MTX2: variants seen among roughly 807,000 people sequenced by gnomAD.
MTX2 encodes metaxin-2.
MTX2 carries 35 observed loss-of-function variants against 42.3 expected under a neutral mutation model. The observed-to-expected ratio is 0.83, with a 90% CI of 0.63 to 1.10. The LOEUF (loss-of-function observed/expected upper bound fraction) is 1.10, where lower values mean the gene tolerates loss of function less well. MTX2 is among the 50% of genes least tolerant of loss of function. The pLI, the probability that MTX2 is intolerant of heterozygous loss-of-function variation, is 0.00. For missense variants in MTX2, 307 were observed against 304.1 expected, an observed-to-expected ratio of 1.01 and a Z score of -0.07; for synonymous variants, 119 against 100.9, an observed-to-expected ratio of 1.18 and a Z score of -1.08.
chr2:176,289,011 A>G (rs891643397), intron 1 of MTX2, among the ~76,000 whole-genome samples: 5 of 152,060 alleles, frequency 3.3e-5, no homozygotes, highest in Middle Eastern at 3.2e-3. Flanking sequence ...AGAATACTAC[A>G]AGTAATATAT....
intron 3 of MTX2, among the ~76,000 whole-genome samples, chr2:176,315,632 T>C (rs1045420421): frequency 3.3e-5 from 5 of 152,196 alleles, no homozygotes; most frequent in Admixed American, 6.5e-5. Context: ...CTTGTCTCAC[T>C]CAGTAGAAGC....
intron 9 of MTX2, among the ~76,000 whole-genome samples, chr2:176,336,572 T>G (rs565810267): frequency 1.3e-5 from 2 of 152,288 alleles, no homozygotes; most frequent in Non-Finnish European, 2.9e-5. Flanking sequence ...TCTTAGAGTA[T>G]TTTTCTTGTT....
chr2:176,286,788 A>G (rs1046468388), intron 1 of MTX2, among the ~76,000 whole-genome samples: 2 of 152,072 alleles, frequency 1.3e-5, no homozygotes, highest in Non-Finnish European at 2.9e-5. Context: ...ACCTCAGGTG[A>G]TCCACCCACC....
At chr2:176,298,607 C>T (rs565376895) in intron 3 of MTX2, among the ~76,000 whole-genome samples, 2 of 152,086 alleles carry the variant, frequency 1.3e-5, no homozygotes, top group Non-Finnish European at 2.9e-5. Context: ...TATTTAGCTG[C>T]CATTTACTTA....
rs146536152 is a variant in MTX2 at position 176,274,663 on chromosome 2, G to T, written c.40+4994G>T. On this transcript the variant is annotated intron_variant, in intron 1 of 9. Transcript: ENST00000249442. ...CATGCAAGGCGGGCAGTCAGGAGCC[G>T]GGGGAGATCCAGGACTAAGCACTGG... Among the ~76,000 whole-genome samples, 21 of 152,266 alleles carry T rather than the reference G, an allele frequency of 1.4e-4. No individual in the cohort carries two copies. In the East Asian group the frequency reaches 3.9e-3, roughly 28 times the overall value.
At chr2:176,295,860 TCACAGAGA>T (rs1272892393) in intron 1 of MTX2, among the ~76,000 whole-genome samples, 2 of 152,188 alleles carry the variant, frequency 1.3e-5, no homozygotes, top group Admixed American at 6.5e-5. Context: ...TGTTGCTATG[TCACAGAGA>T]CTAAAGTAGT....
chr2:176,330,019 G>A (rs1031523533), intron 8 of MTX2, among the ~76,000 whole-genome samples: 1 of 150,840 alleles, frequency 6.6e-6, no homozygotes, highest in Non-Finnish European at 1.5e-5. Context: ...CTTTTCCAAG[G>A]CTACCCTTAA....
intron 1 of MTX2, among the ~76,000 whole-genome samples, chr2:176,292,238 A>AAAT (rs1314033928): frequency 6.6e-6 from 1 of 152,162 alleles, no homozygotes; most frequent in Non-Finnish European, 1.5e-5. Flanking sequence ...TAGAAACTGA[A>AAAT]AATAGGTAGA....
chr2:176,269,596 G>T lies in MTX2; in HGVS notation c.-34G>T. On this transcript the variant is annotated 5_prime_UTR_variant, in exon 1 of 10. Coordinates refer to ENST00000249442, the MANE Select transcript of MTX2 (RefSeq NM_006554.5). ...GTGGAGGACGCTGAGGCCCGTGGGG[G>T]GCAGGCACCCGGGCGCCGGGCCTCC... 1 of 1,567,520 alleles carries T rather than the reference G, an allele frequency of 6.4e-7. No homozygotes were observed. Among genetic ancestry groups the T allele is most frequent in the East Asian group, 2.3e-5 (1 of 42,826 alleles).
Position 176,269,589 on chromosome 2 carries a change from C to T in MTX2, c.-41C>T. Reference sequence around the variant, plus strand: ...GTTTGCGGTGGAGGACGCTGAGGCCCGTGGGGGGCAGGCACCCGGGCGCCG... The same window carrying T: ...GTTTGCGGTGGAGGACGCTGAGGCCTGTGGGGGGCAGGCACCCGGGCGCCG... On this transcript the variant is annotated 5_prime_UTR_variant, in exon 1 of 10. Transcript: ENST00000249442. 1 of 1,557,630 alleles carries T rather than the reference C, an allele frequency of 6.4e-7. No homozygotes were observed. Among genetic ancestry groups the T allele is most frequent in the South Asian group, 1.2e-5 (1 of 84,722 alleles).
chr2:176,314,436 C>CA (rs750058257), intron 3 of MTX2, among the ~76,000 whole-genome samples: 1,755 of 120,322 alleles, frequency 0.015, 19 homozygotes, highest in African/African-American at 0.041. Context: ...GACTCTGTCT[C>CA]AAAAAAAAAA....
chr2:176,297,814 T>G, intron 2 of MTX2, 35 bp from the exon 3 acceptor site: 1 of 1,432,278 alleles, frequency 7.0e-7, no homozygotes, highest in Non-Finnish European at 9.5e-7. Context: ...TATATTCTAC[T>G]TGGTTAACAT....
At chr2:176,312,497 C>T (rs1273996637) in intron 3 of MTX2, among the ~76,000 whole-genome samples, 2 of 151,894 alleles carry the variant, frequency 1.3e-5, no homozygotes, top group Non-Finnish European at 2.9e-5. Flanking sequence ...CTTGTTTTTG[C>T]TTTGTTAGAA....
At chr2:176,301,671 G>T (rs1387468024) in intron 3 of MTX2, among the ~76,000 whole-genome samples, 1 of 152,122 alleles carries the variant, frequency 6.6e-6, no homozygotes, top group African/African-American at 2.4e-5. Context: ...CTGCATATTG[G>T]TCTAGTCCAG....
chr2:176,277,175 T>C (rs997885324), intron 1 of MTX2, among the ~76,000 whole-genome samples: 1 of 152,212 alleles, frequency 6.6e-6, no homozygotes, highest in African/African-American at 2.4e-5. Flanking sequence ...GTGTTTTCAT[T>C]CCATCCCTCC....
intron 5 of MTX2, among the ~76,000 whole-genome samples, chr2:176,327,922 G>A (rs1006579926): frequency 3.3e-5 from 5 of 150,926 alleles, no homozygotes; most frequent in African/African-American, 9.7e-5. Context: ...CTTTACAAAC[G>A]TATTTTTTTC....
chr2:176,318,528 A>G (rs1684499687), intron 3 of MTX2, among the ~76,000 whole-genome samples: 2 of 152,206 alleles, frequency 1.3e-5, no homozygotes, highest in Non-Finnish European at 2.9e-5. Flanking sequence ...TAGTTTTCAC[A>G]TAAGAATACA....
intron 1 of MTX2, chr2:176,270,237 C>G (rs772829706): frequency 1.8e-6 from 1 of 558,400 alleles, no homozygotes; most frequent in South Asian, 2.0e-5. Context: ...GTGGCACAAC[C>G]TGGGCTCACT....
chr2:176,284,716 A>G (rs1245294290), intron 1 of MTX2, among the ~76,000 whole-genome samples: 1 of 152,158 alleles, frequency 6.6e-6, no homozygotes, highest in Non-Finnish European at 1.5e-5. Context: ...GGAGAAAAAG[A>G]TGGTCAAAAA....
Sources: allele counts gnomAD v4.1 joint callset (sites outside exome capture counted in the v4.1 genomes callset), GRCh38; gene constraint gnomAD v4.1.1; transcripts MANE v1.5; gene names NCBI Gene and HGNC (gene_info 2026-07-23, HGNC 2026-07-21).